The following DIP2C variants were observed in gnomAD, a reference collection of about 807,000 sequenced individuals.
DIP2C encodes the protein disco-interacting protein 2 homolog C.
Under a neutral mutation model 192.4 loss-of-function variants are expected in DIP2C, and 33 were observed. The ratio of observed to expected loss-of-function variants is 0.17; its 90% CI spans 0.13 to 0.23. The LOEUF (loss-of-function observed/expected upper bound fraction) is 0.23. Ranked by LOEUF, DIP2C falls within the 10% of genes least tolerant of loss-of-function variation. DIP2C has a pLI of 1.00. For missense variants in DIP2C, 1,537 were observed against 2,110.1 expected (o/e 0.73, Z 5.32); for synonymous variants, 979 against 864.1 (o/e 1.13, Z -2.33).
At position 511,257 on chromosome 10, in the gene DIP2C, G is replaced by A. The variant is rs545843455; in HGVS notation, c.86-24727C>T. ...CTGCAAACTCGCCTCAATCAAGGGC[G>A]GTGTGTCCTGCCAATCCAGCGGCTT... On this transcript the variant is annotated intron_variant, in intron 1 of 36. Transcript: ENST00000280886. 3.3e-5 allele frequency among the ~76,000 whole-genome samples: 5 copies of A among 152,302 alleles called. No homozygotes were observed. The South Asian group carries it at 1.0e-3, about 32-fold the overall frequency.
chr10:300,879 T>A (rs1956010328), intron 32 of DIP2C, among the ~76,000 whole-genome samples: 1 of 152,232 alleles, frequency 6.6e-6, no homozygotes, highest in African/African-American at 2.4e-5. Context: ...GAACTCGCTC[T>A]AAGCAGCCGG....
At chr10:277,635 C>A in intron 36 of DIP2C, 58 bp from the exon 37 acceptor site, 1 of 1,586,096 alleles carries the variant, frequency 6.3e-7, no homozygotes, top group South Asian at 1.2e-5. Context: ...ATTTAATAGC[C>A]GTGGTTTCAA....
intron 32 of DIP2C, among the ~76,000 whole-genome samples, chr10:297,689 G>A (rs995374391): frequency 1.1e-4 from 16 of 152,206 alleles, no homozygotes; most frequent in Non-Finnish European, 1.6e-4. Flanking sequence ...GATGGGGAGA[G>A]ATTTGTTAAA....
chr10:435,820 C>T (rs1268333986), intron 4 of DIP2C, among the ~76,000 whole-genome samples: 1 of 152,144 alleles, frequency 6.6e-6, no homozygotes, highest in Non-Finnish European at 1.5e-5. Flanking sequence ...TTCTTTGACA[C>T]ATTTTAATTT....
At chr10:423,282 TAC>T (rs1966336068) in intron 4 of DIP2C, among the ~76,000 whole-genome samples, 1 of 152,178 alleles carries the variant, frequency 6.6e-6, no homozygotes, top group Non-Finnish European at 1.5e-5. Flanking sequence ...CTCAGACAAA[TAC>T]ACACTGACCC....
chr10:664,177 T>C (rs1564321769), intron 1 of DIP2C: 1 of 150,854 alleles, frequency 6.6e-6, no homozygotes, highest in African/African-American at 2.5e-5. Context: ...ACACAAAGGA[T>C]CCAGTGTTTT....
In DIP2C at chr10:378,812, A is replaced by G. The variant is rs1222120956; in HGVS notation, c.1991+3835T>C. On this transcript the variant is annotated intron_variant, in intron 17 of 36. Transcript: ENST00000280886. ...ACCCATGGACATGCATAAAGACACAAATGAACAGACATGCACAGATGTGAA... is the reference window on the plus strand; with the variant it reads ...ACCCATGGACATGCATAAAGACACAGATGAACAGACATGCACAGATGTGAA... Among the ~76,000 whole-genome samples, 4 of 42,784 alleles carry G rather than the reference A, an allele frequency of 9.3e-5. No homozygotes were observed. The East Asian group carries it at 3.1e-3, about 33-fold the overall frequency. 28.1% of individuals were successfully genotyped at this position (42,784 alleles called of 152,430 possible).
chr10:487,581 T>TTTTGTTTG (rs1344396578), intron 1 of DIP2C, among the ~76,000 whole-genome samples: 136 of 134,484 alleles, frequency 1.0e-3, no homozygotes, highest in Middle Eastern at 7.0e-3. Context: ...TTTTTTTTTT[T>TTTTGTTTG]TTTTTTTTTT....
intron 1 of DIP2C, among the ~76,000 whole-genome samples, chr10:559,399 C>A (rs574044063): frequency 6.2e-4 from 95 of 152,156 alleles, no homozygotes; most frequent in African/African-American, 2.2e-3. Context: ...TCGGCATCAG[C>A]CACAGGGGTC....
intron 32 of DIP2C, among the ~76,000 whole-genome samples, chr10:296,400 G>A (rs1955754520): frequency 1.3e-5 from 2 of 148,504 alleles, no homozygotes; most frequent in South Asian, 4.2e-4. Context: ...AGGTGCTGGA[G>A]AGGGTATGGA....
At chr10:290,246 A>G (rs1378560447) in intron 32 of DIP2C, among the ~76,000 whole-genome samples, 2 of 152,224 alleles carry the variant, frequency 1.3e-5, no homozygotes, top group Non-Finnish European at 2.9e-5. Flanking sequence ...GCTGCCAAAC[A>G]GCTCACATGA....
chr10:310,439 T>C (rs1956519802), intron 31 of DIP2C, among the ~76,000 whole-genome samples: 1 of 152,230 alleles, frequency 6.6e-6, no homozygotes, highest in African/African-American at 2.4e-5. Context: ...GAAGCATCTG[T>C]GCGGAGAAAT....
chr10:410,658 T>C (rs1380079381), intron 8 of DIP2C, among the ~76,000 whole-genome samples: 2 of 152,260 alleles, frequency 1.3e-5, no homozygotes, highest in Non-Finnish European at 1.5e-5. Context: ...AACAATGTGT[T>C]GTAACTGAAT....
chr10:575,671 G>A (rs971864499), intron 1 of DIP2C, among the ~76,000 whole-genome samples: 2 of 152,174 alleles, frequency 1.3e-5, no homozygotes, highest in African/African-American at 4.8e-5. Flanking sequence ...CAGAGTCCAA[G>A]CTTGCTCAGC....
chr10:413,124 T>G (rs933083486), intron 8 of DIP2C, among the ~76,000 whole-genome samples: 2 of 152,178 alleles, frequency 1.3e-5, no homozygotes, highest in East Asian at 3.9e-4. Context: ...GCATGAGCCA[T>G]CATGCCAGCC....
Position 277,255 on chromosome 10 carries a change from G to A in DIP2C, c.*70C>T. The A allele has an allele frequency of 4.4e-6, 7 of 1,574,706 alleles. No homozygotes were observed. The South Asian group carries it at 5.9e-5, about 13-fold the overall frequency. On this transcript the variant is annotated 3_prime_UTR_variant, in exon 37 of 37. Transcript: ENST00000280886. ...TTCTGGTGAGTGTTGCCCTGTGTCT[G>A]CACGCTTCAGTGGACACGGAGAACA...
intron 1 of DIP2C, among the ~76,000 whole-genome samples, chr10:658,998 TACACACATTCACACATGC>T (rs1856585302): frequency 6.6e-6 from 1 of 151,694 alleles, no homozygotes; most frequent in African/African-American, 2.4e-5. Context: ...ATACATGCAA[TACACACATTCACACATGC>T]ACACACATTC....
chr10:356,096 A>G (rs1959067496), intron 24 of DIP2C, among the ~76,000 whole-genome samples: 1 of 152,192 alleles, frequency 6.6e-6, no homozygotes, highest in Admixed American at 6.5e-5. Context: ...AAACAAAACA[A>G]AAACTAGTTT....
At chr10:356,277 A>AC in intron 24 of DIP2C, 149 bp downstream of exon 24, 1 of 862,430 alleles carries the variant, frequency 1.2e-6, no homozygotes, top group Non-Finnish European at 1.9e-6. Context: ...ATCCCTAGGT[A>AC]CAAAAGTCTC....
Sources: gnomAD v4.1 joint callset for allele counts (sites outside exome capture counted in the v4.1 genomes callset) on GRCh38, gnomAD v4.1.1 for gene constraint, MANE v1.5 for transcripts, NCBI Gene and HGNC (gene_info 2026-07-23, HGNC 2026-07-21) for gene names.